Variants in RGL3 observed in about 807,000 individuals in gnomAD.
RGL3 encodes ral guanine nucleotide dissociation stimulator-like 3.
In RGL3, 85 loss-of-function variants were observed where a neutral mutation model predicts 90.6. The observed-to-expected ratio is 0.94, with a 90% confidence interval of 0.79 to 1.12. The LOEUF (loss-of-function observed/expected upper bound fraction) is 1.12, where lower values mean the gene tolerates loss of function less well. Among genes scored for constraint, RGL3 ranks in the 50% most tolerant of loss-of-function variants. The pLI is 0.00. For synonymous variants in RGL3, 408 were observed against 385.5 expected, an observed-to-expected ratio of 1.06 and a Z score of -0.68; for missense variants, 1,034 against 939.2, an observed-to-expected ratio of 1.10 and a Z score of -1.32.
chr19:11,409,943 T>C (rs368255297), intron 5 of RGL3, among the ~76,000 whole-genome samples: 5 of 151,956 alleles, frequency 3.3e-5, no homozygotes, highest in African/African-American at 9.6e-5. Context: ...TATTTTATTT[T>C]ATTTTTTTAT....
chr19:11,417,314 C>A (rs894250669), intron 2 of RGL3, among the ~76,000 whole-genome samples: 4 of 151,680 alleles, frequency 2.6e-5, no homozygotes, highest in Non-Finnish European at 5.9e-5. Flanking sequence ...CCAAGCCCAG[C>A]TAATTTTTGT....
chr19:11,414,134 CATATATATATATAT>C lies in RGL3; in HGVS notation c.637+1789_637+1802del, dbSNP rs56098998. Among the ~76,000 whole-genome samples, 53 of 30,430 alleles carry C rather than the reference CATATATATATATAT, an allele frequency of 1.7e-3. 2 individuals carry two copies. The highest frequency in any genetic ancestry group is 6.2e-3 in the African/African-American group (36 of 5,788). 20.0% of individuals were successfully genotyped at this position (30,430 alleles called of 152,430 possible). A position where few individuals can be genotyped will look rare whatever the true frequency, so the allele number is the denominator to read the frequency against. Reference sequence around the variant, plus strand: ...ATGACTTGGAATCAGCTGGAGAAATCATATATATATATATATATATATATATATATATATATATA... The same window carrying C: ...ATGACTTGGAATCAGCTGGAGAAATCATATATATATATATATATATATATA... On this transcript the variant is annotated intron_variant, in intron 5 of 18. Transcript: ENST00000380456.
intron 18 of RGL3, among the ~76,000 whole-genome samples, chr19:11,396,119 TCTCTC>T (rs1968561830): frequency 3.8e-5 from 2 of 52,822 alleles, no homozygotes; most frequent in Non-Finnish European, 7.5e-5. Context: ...TCTCTCTCTC[TCTCTC>T]TCTCTCTCTC....
Position 11,402,085 on chromosome 19 carries a change from C to G in RGL3, c.1410G>C (p.Gln470His), listed in dbSNP as rs1021075902. ...ARIQQLQRRCQSYTLSPHPPI... is the reference protein window; with the variant it reads ...ARIQQLQRRCHSYTLSPHPPI... ...GCGGGTGGGGGCTCAGGGTGTAGCT[C>G]TGACAGCGCCTCTGCAGCTGCTGGA... Residue 470 changes from glutamine to histidine, a missense_variant, in exon 13 of 19, where the codon CAG (glutamine) becomes CAC (histidine). Gln to His is a conservative substitution (Grantham distance 24, BLOSUM62 0). Coordinates refer to ENST00000380456, the MANE Select transcript of RGL3 (RefSeq NM_001035223.4). The G allele has an allele frequency of 1.3e-6, 2 of 1,593,364 alleles. No individual in the cohort carries two copies. The highest frequency in any genetic ancestry group is 1.7e-5 in the Admixed American group (1 of 58,846).
chr19:11,397,670 C>A lies in RGL3; in HGVS notation c.1747-73G>T, dbSNP rs932099431. On this transcript the variant is annotated intron_variant, in intron 16 of 18. Coordinates refer to ENST00000380456, the MANE Select transcript of RGL3 (RefSeq NM_001035223.4). ...GCTGAGGGCTAGAAAAGCACGAACA[C>A]CCCAGCCACCACTGGTGCATTCAAT... 5.1e-6 allele frequency: 7 copies of A among 1,386,010 alleles called. No homozygotes were observed. In the South Asian group the frequency reaches 5.8e-5, roughly 12 times the overall value. 85.9% of individuals were successfully genotyped at this position (1,386,010 alleles called of 1,614,324 possible). A position where few individuals can be genotyped will look rare whatever the true frequency, so the allele number is the denominator to read the frequency against.
intron 2 of RGL3, among the ~76,000 whole-genome samples, chr19:11,417,520 G>C (rs1423580937): frequency 6.9e-6 from 1 of 145,480 alleles, no homozygotes; most frequent in East Asian, 2.0e-4. Flanking sequence ...ACCTAGGCTG[G>C]AGTTCAGTGG....
intron 18 of RGL3, among the ~76,000 whole-genome samples, chr19:11,395,490 C>T (rs1360772749): frequency 1.3e-5 from 2 of 152,200 alleles, no homozygotes; most frequent in Admixed American, 6.6e-5. Context: ...GGTGAACAAA[C>T]TTAGTTCTCA....
At chr19:11,398,872 C>A (rs991418106) in intron 16 of RGL3, among the ~76,000 whole-genome samples, 2 of 151,350 alleles carry the variant, frequency 1.3e-5, no homozygotes, top group Admixed American at 6.6e-5. Context: ...GGTTTCACCA[C>A]GTTGGCCAGG....
chr19:11,409,789 C>T (rs2144732153), intron 5 of RGL3, among the ~76,000 whole-genome samples: 1 of 152,238 alleles, frequency 6.6e-6, no homozygotes, highest in African/African-American at 2.4e-5. Flanking sequence ...TACTGTGACG[C>T]TAGGACAGGC....
In RGL3 at chr19:11,399,890, G is replaced by C. The variant is rs145606309; in HGVS notation, c.1711C>G (p.Pro571Ala). 1 of 1,518,924 alleles carries C rather than the reference G, an allele frequency of 6.6e-7. No homozygotes were observed. Among genetic ancestry groups the C allele is most frequent in the Non-Finnish European group, 8.8e-7 (1 of 1,137,214 alleles). 94.1% of individuals were successfully genotyped at this position (1,518,924 alleles called of 1,614,324 possible). A position where few individuals can be genotyped will look rare whatever the true frequency, so the allele number is the denominator to read the frequency against. Reference protein sequence around the residue: ...RSRDAPAGSPPASPGPQGPST... With the variant: ...RSRDAPAGSPAASPGPQGPST... ...GGGCCCTGGGGCCCTGGAGAGGCCG[G>C]GGGACTGCCAGCAGGAGCATCTCTG... Residue 571 changes from proline to alanine, a missense_variant, in exon 16 of 19, where the codon CCG becomes GCG. Transcript: ENST00000380456.
chr19:11,410,450 G>A (rs759628667), intron 5 of RGL3, among the ~76,000 whole-genome samples: 5 of 152,088 alleles, frequency 3.3e-5, no homozygotes, highest in Admixed American at 6.6e-5. Context: ...TGGAGGTTGA[G>A]GTAGGAGGAT....
chr19:11,394,694 C>T, intron 18 of RGL3, 174 bp from the exon 19 acceptor site: 2 of 587,428 alleles, frequency 3.4e-6, no homozygotes, highest in East Asian at 5.8e-5. Flanking sequence ...CGACTTCTCA[C>T]TTGAAAACTT....
chr19:11,410,520 T>C (rs539892729), intron 5 of RGL3, among the ~76,000 whole-genome samples: 2 of 151,676 alleles, frequency 1.3e-5, no homozygotes, highest in Non-Finnish European at 2.9e-5. Context: ...CATGTCTACA[T>C]AAAAAAATTT....
At chr19:11,410,533 A>T (rs529588234) in intron 5 of RGL3, among the ~76,000 whole-genome samples, 5 of 151,982 alleles carry the variant, frequency 3.3e-5, no homozygotes, top group Non-Finnish European at 2.9e-5. Flanking sequence ...AAAAATTTTT[A>T]AAGTTGCGCA....
rs1269314012 is a variant in RGL3 at position 11,403,661 on chromosome 19, AAAG to A, written c.1186-958_1186-956del. On this transcript the variant is annotated intron_variant, in intron 9 of 18. Transcript: ENST00000380456. ...ATCTCAAAAAAAAAAAAAAAAAAAA[AAAG>A]AAGCCAGGGGTTAAGGCCCACTCTA... is the stretch of plus-strand genomic sequence containing the variant. 1.1e-4 allele frequency among the ~76,000 whole-genome samples: 16 copies of A among 150,768 alleles called. No individual in the cohort carries two copies. In the East Asian group the frequency reaches 2.4e-3, roughly 22 times the overall value.
intron 5 of RGL3, among the ~76,000 whole-genome samples, chr19:11,412,748 C>G (rs150742778): frequency 0.029 from 4,426 of 152,088 alleles, 75 homozygotes; most frequent in Non-Finnish European, 0.042. Flanking sequence ...AAGCGGATCA[C>G]GAGATCAGGA....
chr19:11,416,022 C>T lies in RGL3; in HGVS notation c.552G>A (p.Glu184=). The part of the protein sequence containing the change: ...FLGWAAPGSA[E]AQKAEKLLED... ...CCAGAAGCTTCTCTGCTTTTTGAGC[C>T]TCAGCACTCCCTGGGGCCGCCCAGC... The change falls in exon 5 of 19, where the codon GAG becomes GAA. Residue 184 remains glutamate, a synonymous_variant. Coordinates refer to ENST00000380456, the MANE Select transcript of RGL3 (RefSeq NM_001035223.4). 1 of 1,613,952 alleles carries T rather than the reference C, an allele frequency of 6.2e-7. No homozygotes were observed. The highest frequency in any genetic ancestry group is 1.3e-5 in the African/African-American group (1 of 74,968).
In RGL3 at chr19:11,396,161, T is replaced by A. The variant is rs1453879979; in HGVS notation, c.2014+1083A>T. On this transcript the variant is annotated intron_variant, in intron 18 of 18. Coordinates refer to ENST00000380456, the MANE Select transcript of RGL3 (RefSeq NM_001035223.4). The stretch of plus-strand genomic sequence containing the variant: ...CTATATATATATATATATATATATT[T>A]TTTTTTTTTTTTTTTTTTTTTTTTT... Among the ~76,000 whole-genome samples, 86 of 45,026 alleles carry A rather than the reference T, an allele frequency of 1.9e-3. 1 individual carries two copies. Among genetic ancestry groups the A allele is most frequent in the African/African-American group, 0.011 (65 of 5,694 alleles). 29.5% of individuals were successfully genotyped at this position (45,026 alleles called of 152,430 possible). A position where few individuals can be genotyped will look rare whatever the true frequency, so the allele number is the denominator to read the frequency against.
rs537006276 is a variant in RGL3 at position 11,399,295 on chromosome 19, G to A, written c.1746+560C>T. On this transcript the variant is annotated intron_variant, in intron 16 of 18. Coordinates refer to ENST00000380456, the MANE Select transcript of RGL3 (RefSeq NM_001035223.4). ...CCTCAAAAAAGTGTAGGCTGGGTGC[G>A]GTGGCTCACACCTGTAATCCCAGCA... 1.7e-4 allele frequency among the ~76,000 whole-genome samples: 26 copies of A among 152,100 alleles called. No individual in the cohort carries two copies. The South Asian group carries it at 2.1e-3, about 12-fold the overall frequency.
Sources: gnomAD v4.1 joint callset for allele counts (sites outside exome capture counted in the v4.1 genomes callset) on GRCh38, gnomAD v4.1.1 for gene constraint, MANE v1.5 for transcripts, NCBI Gene and HGNC (gene_info 2026-07-23, HGNC 2026-07-21) for gene names.